Variants in APIP observed in about 807,000 individuals in gnomAD.
APIP encodes APAF1 interacting protein.
APIP carries 32 observed loss-of-function variants against 32.0 expected under a neutral mutation model. The ratio of observed to expected loss-of-function variants is 1.00; its 90% confidence interval spans 0.76 to 1.34. The LOEUF is 1.34. Ranked by LOEUF, APIP falls within the 40% of genes most tolerant of loss-of-function variation. APIP has a pLI of 0.00. For missense variants in APIP, 247 were observed against 298.6 expected, an observed-to-expected ratio of 0.83 and a Z score of 1.27; for synonymous variants, 92 against 94.8, an observed-to-expected ratio of 0.97 and a Z score of 0.17.
intron 1 of APIP, among the ~76,000 whole-genome samples, chr11:34,904,781 C>T (rs1236830419): frequency 6.6e-6 from 1 of 152,178 alleles, no homozygotes; most frequent in Admixed American, 6.5e-5. Context: ...CAGGAATCGA[C>T]TCCTGGATAC....
At chr11:34,891,607 C>T (rs760034309) in intron 2 of APIP, among the ~76,000 whole-genome samples, 7 of 152,036 alleles carry the variant, frequency 4.6e-5, no homozygotes, top group Non-Finnish European at 7.4e-5. Flanking sequence ...GGCTTGGAAC[C>T]GATAAAAATC....
intron 5 of APIP, among the ~76,000 whole-genome samples, 196 bp from the exon 6 acceptor site, chr11:34,883,700 G>A (rs1853011774): frequency 6.6e-6 from 1 of 152,160 alleles, no homozygotes; most frequent in Non-Finnish European, 1.5e-5. Context: ...CCTTGGGAAT[G>A]TGGCAGGCTT....
intron 3 of APIP, among the ~76,000 whole-genome samples, chr11:34,889,292 T>C (rs371983524): frequency 6.6e-6 from 1 of 152,114 alleles, no homozygotes; most frequent in South Asian, 2.1e-4. Context: ...AGAAAGTCTA[T>C]ATAAAGAAAT....
chr11:34,896,957 A>G lies in APIP; in HGVS notation c.58-1847T>C, dbSNP rs1158208565. ...CCCCACTGAGGTCTACCTTCAAGGT[A>G]ACAGTGAACAAAATGAGATTCACTG... On this transcript the variant is annotated intron_variant, in intron 1 of 6. Coordinates refer to ENST00000395787, the MANE Select transcript of APIP (RefSeq NM_015957.4). 5 of 436,820 alleles carry G rather than the reference A, an allele frequency of 1.1e-5. No individual in the cohort carries two copies. The East Asian group carries it at 3.6e-4, about 32-fold the overall frequency. 27.1% of individuals were successfully genotyped at this position (436,820 alleles called of 1,614,324 possible).
chr11:34,894,349 A>G (rs919298390), intron 2 of APIP, among the ~76,000 whole-genome samples: 8 of 151,718 alleles, frequency 5.3e-5, no homozygotes, highest in African/African-American at 1.9e-4. Flanking sequence ...ATTTTTAATG[A>G]TTAGTCATCT....
intron 2 of APIP, among the ~76,000 whole-genome samples, chr11:34,892,099 T>C (rs1375719316): frequency 6.6e-6 from 1 of 152,156 alleles, no homozygotes; most frequent in African/African-American, 2.4e-5. Flanking sequence ...CTTTGTAAAA[T>C]GGAAATTAAT....
In APIP at chr11:34,882,789, A is replaced by G. The variant is rs749048887; in HGVS notation, c.657T>C (p.Asp219=). 4 of 1,609,370 alleles carry G rather than the reference A, an allele frequency of 2.5e-6. No individual in the cohort carries two copies. Among genetic ancestry groups the G allele is most frequent in the Non-Finnish European group, 3.4e-6 (4 of 1,176,836 alleles). ...TMCECYDYLF[D]IAVSMKKVGL... is the part of the protein sequence containing the mutation. ...CTACTTTCTTCATTGATACGGCAAT[A>G]TCAAATAAATAGTCATAACACTCAC... Residue 219 remains aspartate, a synonymous_variant, in exon 7 of 7, where the codon GAT becomes GAC. Coordinates refer to ENST00000395787, the MANE Select transcript of APIP (RefSeq NM_015957.4).
intron 6 of APIP, 86 bp from the exon 7 acceptor site, chr11:34,882,902 T>C (rs1259088713): frequency 3.2e-6 from 3 of 930,104 alleles, no homozygotes; most frequent in Non-Finnish European, 5.0e-6. Flanking sequence ...TCTCTTGCAG[T>C]TAACTCTGCT....
At chr11:34,891,956 G>A (rs926793671) in intron 2 of APIP, among the ~76,000 whole-genome samples, 6 of 152,138 alleles carry the variant, frequency 3.9e-5, no homozygotes, top group Non-Finnish European at 7.4e-5. Flanking sequence ...CTTATGTGGG[G>A]AGAAATTTAT....
intron 1 of APIP, among the ~76,000 whole-genome samples, chr11:34,908,042 A>G (rs553355186): frequency 6.6e-6 from 1 of 152,326 alleles, no homozygotes; most frequent in South Asian, 2.1e-4. Context: ...CAAGTATAAA[A>G]TAACATGCAT....
intron 1 of APIP, among the ~76,000 whole-genome samples, chr11:34,898,124 T>C (rs1307456443): frequency 1.3e-5 from 2 of 152,148 alleles, no homozygotes; most frequent in Non-Finnish European, 2.9e-5. Context: ...CATTTTGGTG[T>C]GTTGGCCAAG....
chr11:34,915,928 A>G, intron 1 of APIP: 1 of 497,816 alleles, frequency 2.0e-6, no homozygotes. Flanking sequence ...TGCCTTCCTG[A>G]TAAATACCCG....
At chr11:34,896,532 T>C (rs950645688) in intron 1 of APIP, among the ~76,000 whole-genome samples, 9 of 152,010 alleles carry the variant, frequency 5.9e-5, no homozygotes, top group Admixed American at 4.6e-4. Flanking sequence ...TGAGAACACA[T>C]GGACACAGGG....
chr11:34,911,880 TC>T (rs1853558403), intron 1 of APIP, among the ~76,000 whole-genome samples: 1 of 152,030 alleles, frequency 6.6e-6, no homozygotes, highest in Non-Finnish European at 1.5e-5. Flanking sequence ...CTTCATCCTT[TC>T]CCCCCATGCC....
At chr11:34,914,864 T>G (rs899001119) in intron 1 of APIP, among the ~76,000 whole-genome samples, 4 of 151,712 alleles carry the variant, frequency 2.6e-5, no homozygotes, top group Admixed American at 2.0e-4. Context: ...ATTAACTGGG[T>G]GTGGTGACAT....
In APIP at chr11:34,883,603, T is replaced by C. The variant is rs142157556; in HGVS notation, c.462-99A>G. The C allele has an allele frequency of 1.4e-5, 17 of 1,223,914 alleles. No individual in the cohort carries two copies. In the East Asian group the frequency reaches 4.2e-4, roughly 30 times the overall value. 75.8% of individuals were successfully genotyped at this position (1,223,914 alleles called of 1,614,324 possible). On this transcript the variant is annotated intron_variant, in intron 5 of 6. Transcript: ENST00000395787. ...TTCAAGTAACCAGTTAGACATGCTG[T>C]TTGTGTCTGAAAAGCCACTCCAAAT...
At chr11:34,907,509 T>C (rs3794172) in intron 1 of APIP, among the ~76,000 whole-genome samples, 12,780 of 152,192 alleles carry the variant, frequency 0.084, 573 homozygotes, top group African/African-American at 0.097. Flanking sequence ...ACCCATAAAA[T>C]TAAAATTTCA....
chr11:34,912,774 G>A (rs72930462), intron 1 of APIP, among the ~76,000 whole-genome samples: 33,822 of 152,186 alleles, frequency 0.22, 4,936 homozygotes, highest in Non-Finnish European at 0.34. Context: ...TCCTCAGCCT[G>A]CAAACGGCCT....
chr11:34,895,253 C>A (rs924486937), intron 1 of APIP, 143 bp from the exon 2 acceptor site: 4 of 709,898 alleles, frequency 5.6e-6, no homozygotes, highest in Middle Eastern at 3.8e-4. Context: ...AAAACTATTA[C>A]AAACATATTT....
Sources: gnomAD v4.1 joint callset for allele counts (sites outside exome capture counted in the v4.1 genomes callset) on GRCh38, gnomAD v4.1.1 for gene constraint, MANE v1.5 for transcripts, NCBI Gene and HGNC (gene_info 2026-07-23, HGNC 2026-07-21) for gene names.